The following LEKR1 variants were observed in gnomAD, a reference collection of about 807,000 sequenced individuals.
LEKR1 encodes protein LEKR1.
In LEKR1, 59 loss-of-function variants were observed where a neutral mutation model predicts 72.4. The observed-to-expected ratio is 0.82, with a 90% CI of 0.66 to 1.01. The LOEUF is 1.01. LEKR1 is among the 50% of genes least tolerant of loss of function. The pLI is 0.00. For missense variants in LEKR1, 728 were observed against 759.2 expected, an observed-to-expected ratio of 0.96 and a Z score of 0.48; for synonymous variants, 257 against 263.2, an observed-to-expected ratio of 0.98 and a Z score of 0.23.
chr3:156,935,128 T>C (rs1725578173), intron 5 of LEKR1, among the ~76,000 whole-genome samples: 1 of 152,146 alleles, frequency 6.6e-6, no homozygotes, highest in Non-Finnish European at 1.5e-5. Flanking sequence ...CACGAAGAAA[T>C]AGGAGTTAGT....
intron 2 of LEKR1, among the ~76,000 whole-genome samples, chr3:156,835,852 G>T (rs1713055164): frequency 2.6e-5 from 3 of 117,486 alleles, no homozygotes; most frequent in Admixed American, 1.0e-4. Flanking sequence ...CCCAAGTCTT[G>T]CTCTGTCTCA....
At chr3:156,842,866 T>A (rs1018308567) in intron 2 of LEKR1, among the ~76,000 whole-genome samples, 1 of 152,216 alleles carries the variant, frequency 6.6e-6, no homozygotes, top group Non-Finnish European at 1.5e-5. Flanking sequence ...TGACTGAGCA[T>A]AGTATACTTG....
intron 6 of LEKR1, among the ~76,000 whole-genome samples, chr3:156,951,328 G>GTGTGTGTCTCTGCC (rs1424254989): frequency 6.6e-6 from 1 of 150,988 alleles, no homozygotes; most frequent in Non-Finnish European, 1.5e-5. Context: ...ATTTTTTTGT[G>GTGTGTGTCTCTGCC]TGTGTGTCTC....
At chr3:156,836,406 A>T (rs1713149485) in intron 2 of LEKR1, among the ~76,000 whole-genome samples, 1 of 151,382 alleles carries the variant, frequency 6.6e-6, no homozygotes, top group Admixed American at 6.6e-5. Context: ...AACCAAGAAG[A>T]AAAAAAAAGC....
intron 3 of LEKR1, among the ~76,000 whole-genome samples, chr3:156,900,191 G>A (rs1576780531): frequency 6.6e-6 from 1 of 152,122 alleles, no homozygotes. Flanking sequence ...GGAAGAATGT[G>A]GGTCCATTGT....
At chr3:157,042,987 G>A (rs1735473588) in intron 12 of LEKR1, among the ~76,000 whole-genome samples, 1 of 152,058 alleles carries the variant, frequency 6.6e-6, no homozygotes, top group East Asian at 1.9e-4. Flanking sequence ...GGATCATAGG[G>A]GCAGTTTCTC....
intron 9 of LEKR1, among the ~76,000 whole-genome samples, chr3:156,998,214 G>T (rs910519847): frequency 6.6e-6 from 1 of 152,174 alleles, no homozygotes; most frequent in African/African-American, 2.4e-5. Flanking sequence ...CAGGCATATT[G>T]TGGGTTAAAA....
chr3:156,887,725 A>G (rs533669452), intron 3 of LEKR1, among the ~76,000 whole-genome samples: 2 of 152,212 alleles, frequency 1.3e-5, no homozygotes, highest in Admixed American at 6.5e-5. Context: ...CGCTCAAAAA[A>G]TTTAAAACTG....
At chr3:156,872,515 T>A (rs1386873252) in intron 3 of LEKR1, among the ~76,000 whole-genome samples, 2 of 152,118 alleles carry the variant, frequency 1.3e-5, no homozygotes, top group Non-Finnish European at 2.9e-5. Flanking sequence ...CTTTTCTAGT[T>A]CTTTCAGATG....
Position 156,920,479 on chromosome 3 carries a change from TCTA to T in LEKR1, c.264-93_264-91del, listed in dbSNP as rs1724088961. 1.3e-5 allele frequency: 10 copies of T among 752,372 alleles called. No individual in the cohort carries two copies. The South Asian group carries it at 1.6e-4, about 12-fold the overall frequency. 46.6% of individuals were successfully genotyped at this position (752,372 alleles called of 1,614,324 possible). A position where few individuals can be genotyped will look rare whatever the true frequency, so the allele number is the denominator to read the frequency against. ...ATATATAAGAGACATAGTTTCTTCT[TCTA>T]CTCCTTTTTATTAAAAGTAAGTATA... is the stretch of plus-strand genomic sequence containing the variant. On this transcript the variant is annotated intron_variant, in intron 3 of 12. Transcript: ENST00000356539.
At chr3:156,873,868 A>G (rs565697977) in intron 3 of LEKR1, among the ~76,000 whole-genome samples, 3 of 152,086 alleles carry the variant, frequency 2.0e-5, no homozygotes, top group East Asian at 1.9e-4. Context: ...GAAATCTGCT[A>G]TTAGTTTGAT....
chr3:156,977,164 C>T (rs571128879), intron 6 of LEKR1, among the ~76,000 whole-genome samples: 2 of 152,322 alleles, frequency 1.3e-5, no homozygotes, highest in African/African-American at 4.8e-5. Context: ...GCGTGCCACT[C>T]TCCATGCCAC....
At chr3:156,854,304 C>A (rs971719108) in intron 3 of LEKR1, among the ~76,000 whole-genome samples, 1 of 151,026 alleles carries the variant, frequency 6.6e-6, no homozygotes, top group Non-Finnish European at 1.5e-5. Context: ...CCACCATGCA[C>A]GGCTAATTTT....
intron 3 of LEKR1, among the ~76,000 whole-genome samples, chr3:156,865,603 C>G (rs1440327589): frequency 1.6e-4 from 7 of 42,812 alleles, no homozygotes; most frequent in Non-Finnish European, 2.6e-4. Flanking sequence ...TCTATCATCT[C>G]CCTCTATCAT....
chr3:156,911,447 C>T (rs1176450259), intron 3 of LEKR1, among the ~76,000 whole-genome samples: 1 of 152,028 alleles, frequency 6.6e-6, no homozygotes, highest in Non-Finnish European at 1.5e-5. Flanking sequence ...CTCCCATTCT[C>T]TATGCTGTCT....
chr3:157,016,402 C>G (rs1192168995), intron 10 of LEKR1, among the ~76,000 whole-genome samples: 2 of 151,534 alleles, frequency 1.3e-5, no homozygotes, highest in African/African-American at 4.9e-5. Flanking sequence ...ACAATGCAAG[C>G]AAAAAGATAG....
At chr3:156,839,043 T>A (rs1163393852) in intron 2 of LEKR1, among the ~76,000 whole-genome samples, 1 of 151,976 alleles carries the variant, frequency 6.6e-6, no homozygotes, top group Non-Finnish European at 1.5e-5. Flanking sequence ...GGACACAAAA[T>A]GCATTAGTAA....
rs1724095525 is a variant in LEKR1, at chr3:156,920,557, G to A, written c.264-18G>A. ...ACATATGAGAGAATACTTAAGGAAT[G>A]TTTGTTTATATTTTTAGAATTTACG... On this transcript the variant is annotated intron_variant, in intron 3 of 12. Transcript: ENST00000356539. 4 of 1,415,368 alleles carry A rather than the reference G, an allele frequency of 2.8e-6. No individual in the cohort carries two copies. Among genetic ancestry groups the A allele is most frequent in the African/African-American group, 1.4e-5 (1 of 69,174 alleles). 87.7% of individuals were successfully genotyped at this position (1,415,368 alleles called of 1,614,324 possible). A position where few individuals can be genotyped will look rare whatever the true frequency, so the allele number is the denominator to read the frequency against.
At chr3:157,027,155 A>G (rs1734243559) in intron 11 of LEKR1, among the ~76,000 whole-genome samples, 1 of 151,730 alleles carries the variant, frequency 6.6e-6, no homozygotes, top group Admixed American at 6.6e-5. Flanking sequence ...GAGTATTTAC[A>G]CCATGGAAAT....
Sources: gnomAD v4.1 joint callset for allele counts (sites outside exome capture counted in the v4.1 genomes callset) on GRCh38, gnomAD v4.1.1 for gene constraint, MANE v1.5 for transcripts, NCBI Gene and HGNC (gene_info 2026-07-23, HGNC 2026-07-21) for gene names.